The following CSMD1 variants were observed in gnomAD, a reference collection of about 807,000 sequenced individuals.
CSMD1 encodes the protein CUB and Sushi multiple domains 1.
CSMD1 carries 213 observed loss-of-function variants against 417.5 expected under a neutral mutation model. That is an observed-to-expected ratio of 0.51 (90% CI 0.46 to 0.57). CSMD1 has a LOEUF of 0.57. Ranked by LOEUF, CSMD1 falls within the 20% of genes least tolerant of loss-of-function variation. The pLI is 0.00. For synonymous variants in CSMD1, 2,862 were observed against 1,736.8 expected (o/e 1.65, Z -16.11); for missense variants, 6,923 against 4,529.7 (o/e 1.53, Z -15.17).
chr8:4,517,253 T>G (rs1419211893), intron 2 of CSMD1, among the ~76,000 whole-genome samples: 3 of 152,180 alleles, frequency 2.0e-5, no homozygotes, highest in Non-Finnish European at 4.4e-5. Flanking sequence ...AAATAATCAT[T>G]CAGAGAGTAA....
intron 1 of CSMD1, among the ~76,000 whole-genome samples, chr8:4,824,621 A>G (rs990011822): frequency 2.0e-5 from 3 of 152,170 alleles, no homozygotes; most frequent in Non-Finnish European, 4.4e-5. Flanking sequence ...AGGTCTGTGT[A>G]TGTGTGTGCG....
intron 23 of CSMD1, among the ~76,000 whole-genome samples, chr8:3,320,280 C>A (rs1019739251): frequency 1.2e-4 from 19 of 152,130 alleles, no homozygotes; most frequent in Admixed American, 6.6e-5. Flanking sequence ...GAGTTCTTCC[C>A]AAATTCTGTC....
intron 13 of CSMD1, 24 bp downstream of exon 13, chr8:3,409,399 T>G: frequency 1.3e-6 from 2 of 1,584,270 alleles, no homozygotes; most frequent in Non-Finnish European, 8.6e-7. Context: ...CAGGAGGGAG[T>G]CCAGGTCAAG....
chr8:3,498,020 G>A (rs778574076), intron 10 of CSMD1, among the ~76,000 whole-genome samples: 39 of 152,220 alleles, frequency 2.6e-4, no homozygotes, highest in African/African-American at 3.1e-4. Context: ...TTCCTCATCC[G>A]GGAATAATTT....
At chr8:3,532,696 T>C (rs1798032459) in intron 10 of CSMD1, among the ~76,000 whole-genome samples, 1 of 152,088 alleles carries the variant, frequency 6.6e-6, no homozygotes, top group Non-Finnish European at 1.5e-5. Flanking sequence ...CTCATCCTTA[T>C]TCCAAACAAT....
chr8:4,782,137 G>C (rs576652176), intron 1 of CSMD1, among the ~76,000 whole-genome samples: 3 of 152,264 alleles, frequency 2.0e-5, no homozygotes, highest in East Asian at 1.9e-4. Flanking sequence ...AGGGGAGAGA[G>C]GTTGCTCAAT....
At chr8:3,764,454 T>A in intron 5 of CSMD1, among the ~76,000 whole-genome samples, 1 of 152,214 alleles carries the variant, frequency 6.6e-6, no homozygotes, top group Non-Finnish European at 1.5e-5. Flanking sequence ...CCTGAAGACA[T>A]GCGTGTGAGT....
intron 2 of CSMD1, among the ~76,000 whole-genome samples, chr8:4,479,118 G>A (rs77357402): frequency 0.016 from 2,472 of 152,208 alleles, 30 homozygotes; most frequent in Non-Finnish European, 0.024. Context: ...TTCTGGCATA[G>A]AGAAAATTAC....
intron 5 of CSMD1, among the ~76,000 whole-genome samples, chr8:3,823,840 A>C (rs1309226184): frequency 6.6e-6 from 1 of 152,194 alleles, no homozygotes; most frequent in Non-Finnish European, 1.5e-5. Context: ...TAATTTAAAA[A>C]ATTTTTAAAT....
chr8:4,292,095 G>A (rs113628408), intron 3 of CSMD1, among the ~76,000 whole-genome samples: 3 of 152,104 alleles, frequency 2.0e-5, no homozygotes, highest in East Asian at 3.9e-4. Context: ...ATATACCAGG[G>A]AACAGGAACA....
intron 1 of CSMD1, among the ~76,000 whole-genome samples, chr8:4,967,461 C>G (rs1279483410): frequency 1.3e-5 from 2 of 152,088 alleles, no homozygotes; most frequent in African/African-American, 4.8e-5. Context: ...AAGTCTATTA[C>G]CAGTGAATAT....
chr8:4,366,688 C>G (rs551947891), intron 3 of CSMD1, among the ~76,000 whole-genome samples: 2 of 151,722 alleles, frequency 1.3e-5, no homozygotes, highest in Admixed American at 1.3e-4. Flanking sequence ...TACTGATGAG[C>G]GTTTTTTCTT....
intron 43 of CSMD1, among the ~76,000 whole-genome samples, chr8:3,109,214 A>T (rs964880549): frequency 7.2e-5 from 11 of 152,220 alleles, no homozygotes; most frequent in Non-Finnish European, 1.2e-4. Flanking sequence ...CCAGTGAGCC[A>T]AGATCGCGCC....
At chr8:4,991,024 A>G (rs1427368918) in intron 1 of CSMD1, among the ~76,000 whole-genome samples, 3 of 152,146 alleles carry the variant, frequency 2.0e-5, no homozygotes, top group African/African-American at 7.2e-5. Context: ...GCTCTGGCGT[A>G]GTAGTGTTGT....
chr8:3,865,637 C>G (rs891180741), intron 5 of CSMD1, among the ~76,000 whole-genome samples: 1 of 152,140 alleles, frequency 6.6e-6, no homozygotes, highest in Non-Finnish European at 1.5e-5. Context: ...TATTTATTCA[C>G]ATCATCGATG....
At chr8:4,791,854 CA>C (rs913040158) in intron 1 of CSMD1, among the ~76,000 whole-genome samples, 3 of 151,212 alleles carry the variant, frequency 2.0e-5, no homozygotes, top group African/African-American at 4.9e-5. Flanking sequence ...TACTTTTTTT[CA>C]AAAAAAAATT....
At position 4,652,051 on chromosome 8, in the gene CSMD1, T is replaced by C. The variant is rs79167779; in HGVS notation, c.86-14493A>G. Among the ~76,000 whole-genome samples the C allele has an allele frequency of 1.9e-3, 292 of 152,284 alleles. 3 individuals carry two copies. The highest frequency in any genetic ancestry group is 0.011 in the East Asian group (58 of 5,182). ...CCTCTAAGATACCTATGAGCCATGA[T>C]TGAGTCAGGAAGAACTTGAATTGTC... On this transcript the variant is annotated intron_variant, in intron 1 of 69. Coordinates refer to ENST00000635120, the MANE Select transcript of CSMD1 (RefSeq NM_033225.6).
intron 23 of CSMD1, among the ~76,000 whole-genome samples, chr8:3,323,778 G>C (rs796123918): frequency 1.0e-5 from 1 of 98,196 alleles, no homozygotes; most frequent in South Asian, 3.8e-4. Flanking sequence ...GTTAAAATAG[G>C]CCCACATCCA....
chr8:4,962,326 T>A (rs2117338196), intron 1 of CSMD1, among the ~76,000 whole-genome samples: 1 of 152,196 alleles, frequency 6.6e-6, no homozygotes, highest in South Asian at 2.1e-4. Flanking sequence ...GCTTCCCATC[T>A]TTGCCTCCCA....
Sources: allele counts gnomAD v4.1 joint callset (sites outside exome capture counted in the v4.1 genomes callset), GRCh38; gene constraint gnomAD v4.1.1; transcripts MANE v1.5; gene names NCBI Gene and HGNC (gene_info 2026-07-23, HGNC 2026-07-21).